The following SDCCAG8 variants were observed in gnomAD, a reference collection of about 807,000 sequenced individuals.
SDCCAG8 encodes serologically defined colon cancer antigen 8.
A neutral mutation model predicts 101.8 loss-of-function variants in SDCCAG8; 74 were observed. The ratio of observed to expected loss-of-function variants is 0.73; its 90% confidence interval spans 0.60 to 0.88. The LOEUF (loss-of-function observed/expected upper bound fraction) is 0.88. Among genes scored for constraint, SDCCAG8 ranks in the 40% least tolerant of loss-of-function variants. The pLI is 0.00. For missense variants in SDCCAG8, 787 were observed against 822.6 expected, an observed-to-expected ratio of 0.96 and a Z score of 0.53; for synonymous variants, 281 against 292.9, an observed-to-expected ratio of 0.96 and a Z score of 0.41.
chr1:243,297,665 T>C (rs571314483), intron 6 of SDCCAG8, among the ~76,000 whole-genome samples: 24 of 152,346 alleles, frequency 1.6e-4, no homozygotes, highest in African/African-American at 5.3e-4. Context: ...GTGATTTTCA[T>C]TTGCATTTCC....
intron 6 of SDCCAG8, among the ~76,000 whole-genome samples, chr1:243,297,003 T>C (rs1026820872): frequency 6.6e-6 from 1 of 152,158 alleles, no homozygotes; most frequent in South Asian, 2.1e-4. Context: ...AACAAAAATT[T>C]ACAGCTCAAA....
At position 243,274,585 on chromosome 1, in the gene SDCCAG8, G is replaced by A. The variant is rs913322544; in HGVS notation, c.349G>A (p.Asp117Asn). The change falls in exon 4 of 18, where the codon GAC (aspartate) becomes AAC (asparagine). Residue 117 changes from aspartate to asparagine, a missense_variant. Coordinates refer to ENST00000366541, the MANE Select transcript of SDCCAG8 (RefSeq NM_006642.5). ...HEETNMPTMH[D>N]LVHTINDQSQ... The stretch of plus-strand genomic sequence containing the variant: ...GGAAACCAATATGCCTACTATGCAC[G>A]ACCTTGTTCATACTATTAATGACCA... The A allele has an allele frequency of 3.1e-6, 5 of 1,610,590 alleles. No individual in the cohort carries two copies. The highest frequency in any genetic ancestry group is 2.7e-5 in the African/African-American group (2 of 74,780).
intron 16 of SDCCAG8, among the ~76,000 whole-genome samples, chr1:243,450,649 A>T (rs1309248197): frequency 1.3e-5 from 2 of 151,904 alleles, no homozygotes; most frequent in African/African-American, 4.8e-5. Flanking sequence ...TTGTTATATA[A>T]CCTGGTTTTG....
chr1:243,307,083 A>G (rs1405726187), intron 7 of SDCCAG8, among the ~76,000 whole-genome samples: 18 of 150,156 alleles, frequency 1.2e-4, no homozygotes, highest in Non-Finnish European at 1.8e-4. Flanking sequence ...TTTGAAGTAC[A>G]AAAGAACCAT....
chr1:243,331,534 C>A (rs933592613), intron 10 of SDCCAG8, among the ~76,000 whole-genome samples: 1 of 152,150 alleles, frequency 6.6e-6, no homozygotes, highest in African/African-American at 2.4e-5. Context: ...ACAACTTCTG[C>A]CCTATGAGTT....
Position 243,316,795 on chromosome 1 carries a change from A to G in SDCCAG8, c.970A>G (p.Ser324Gly), listed in dbSNP as rs780738331. The G allele has an allele frequency of 1.2e-6, 2 of 1,614,222 alleles. No homozygotes were observed. Among genetic ancestry groups the G allele is most frequent in the African/African-American group, 1.3e-5 (1 of 75,062 alleles). ...GATGTCTGCACTAGTTTCCGTAAGG[A>G]GCAGCTTGGCAGATACGCAGCAAAG... is the stretch of plus-strand genomic sequence containing the variant. Reference protein sequence around the residue: ...DLMSALVSVRSSLADTQQREA... With the variant: ...DLMSALVSVRGSLADTQQREA... The change falls in exon 9 of 18, where the codon AGC becomes GGC. Residue 324 changes from serine (S) to glycine (G), a missense_variant. Physicochemically the swap from Ser to Gly is moderately conservative, Grantham distance 56. Transcript: ENST00000366541.
In SDCCAG8 at chr1:243,416,934, C is replaced by A. The variant is rs2080626949; in HGVS notation, c.1745-1034C>A. On this transcript the variant is annotated intron_variant, in intron 14 of 17. Transcript: ENST00000366541. The surrounding 1 kb of genome is among the most constrained non-coding windows in gnomAD (Gnocchi z 4.3). Reference sequence around the variant, plus strand: ...GCTAAAATTGAAAAGAAATAAAGGCCTCTTAAAACTTATGCTTAGAGGTAA... The same window carrying A: ...GCTAAAATTGAAAAGAAATAAAGGCATCTTAAAACTTATGCTTAGAGGTAA... 6.6e-6 allele frequency among the ~76,000 whole-genome samples: 1 copy of A among 152,064 alleles called. No individual in the cohort carries two copies. Among genetic ancestry groups the A allele is most frequent in the South Asian group, 2.1e-4 (1 of 4,814 alleles).
At chr1:243,378,583 A>G (rs921355801) in intron 12 of SDCCAG8, 138 bp from the exon 13 acceptor site, 1 of 883,168 alleles carries the variant, frequency 1.1e-6, no homozygotes, top group African/African-American at 1.7e-5. Context: ...TCCTTTTGTC[A>G]TAAAATGGAA....
chr1:243,453,341 CA>C (rs1367241665), intron 16 of SDCCAG8, among the ~76,000 whole-genome samples: 4 of 152,190 alleles, frequency 2.6e-5, no homozygotes, highest in Admixed American at 2.6e-4. Flanking sequence ...GTCAATGCAA[CA>C]TAAAAGTCCA....
Position 243,403,661 on chromosome 1 carries a change from G to A in SDCCAG8, c.1617-12041G>A, listed in dbSNP as rs183596514. ...CAGCATCATTGGATTCCCATGGGGC[G>A]CTAACCGTATTGTAAACTGCGCATG... On this transcript the variant is annotated intron_variant, in intron 13 of 17. Transcript: ENST00000366541. Among the ~76,000 whole-genome samples, 831 of 152,068 alleles carry A rather than the reference G, an allele frequency of 5.5e-3. 14 individuals are homozygous for A. Among genetic ancestry groups the A allele is most frequent in the African/African-American group, 0.018 (753 of 41,420 alleles).
At chr1:243,412,631 A>G (rs1231158749) in intron 13 of SDCCAG8, among the ~76,000 whole-genome samples, 1 of 149,684 alleles carries the variant, frequency 6.7e-6, no homozygotes. Context: ...AATCATTAGT[A>G]TTAGTTTTAG....
At chr1:243,338,858 T>G (rs1169043823) in intron 10 of SDCCAG8, 1 of 152,506 alleles carries the variant, frequency 6.6e-6, no homozygotes, top group Non-Finnish European at 1.5e-5. Flanking sequence ...TCCAGCAGTG[T>G]TGCAGCTGTG....
intron 10 of SDCCAG8, among the ~76,000 whole-genome samples, chr1:243,335,736 C>T (rs959360953): frequency 6.6e-6 from 1 of 151,892 alleles, no homozygotes; most frequent in African/African-American, 2.4e-5. Context: ...ATCTTGTCAC[C>T]CCCTACATAA....
chr1:243,445,928 A>C (rs2082871127), intron 16 of SDCCAG8, among the ~76,000 whole-genome samples: 1 of 152,182 alleles, frequency 6.6e-6, no homozygotes, highest in Non-Finnish European at 1.5e-5. Context: ...GAATTCAGCA[A>C]ACATGGAATT....
chr1:243,464,527 A>G (rs1558504909), intron 16 of SDCCAG8, among the ~76,000 whole-genome samples: 1 of 152,252 alleles, frequency 6.6e-6, no homozygotes, highest in Non-Finnish European at 1.5e-5. Flanking sequence ...GCTAAAAAAA[A>G]TCAAATTAAT....
chr1:243,339,914 A>G (rs1480925418), intron 10 of SDCCAG8, among the ~76,000 whole-genome samples: 1 of 152,242 alleles, frequency 6.6e-6, no homozygotes, highest in Admixed American at 6.5e-5. Context: ...GTATTCCTAT[A>G]TGTTCTGCTG....
chr1:243,437,364 G>A (rs371479665), intron 16 of SDCCAG8, among the ~76,000 whole-genome samples: 34 of 152,164 alleles, frequency 2.2e-4, no homozygotes, highest in South Asian at 8.3e-4. Context: ...AATCCAGTGC[G>A]GGAGGTATAC....
intron 13 of SDCCAG8, among the ~76,000 whole-genome samples, chr1:243,411,686 A>G (rs1318822226): frequency 6.6e-6 from 1 of 152,118 alleles, no homozygotes; most frequent in Non-Finnish European, 1.5e-5. Context: ...TGACATCATA[A>G]TATATGTCTT....
chr1:243,432,296 G>A (rs1287876953), intron 16 of SDCCAG8, among the ~76,000 whole-genome samples: 2 of 151,280 alleles, frequency 1.3e-5, no homozygotes, highest in African/African-American at 4.9e-5. Flanking sequence ...ACCAGATACC[G>A]TATGTTCTCA....
Sources: gnomAD v4.1 joint callset for allele counts (sites outside exome capture counted in the v4.1 genomes callset) on GRCh38, gnomAD v4.1.1 for gene constraint, Gnocchi (gnomAD v3.1) non-coding constraint, MANE v1.5 for transcripts, NCBI Gene and HGNC (gene_info 2026-07-23, HGNC 2026-07-21) for gene names.